Variants in PHF14 observed in about 807,000 individuals in gnomAD.
PHF14 encodes the protein PHD finger protein 14.
A neutral mutation model predicts 117.9 loss-of-function variants in PHF14; 55 were observed. The observed-to-expected ratio is 0.47, with a 90% confidence interval of 0.38 to 0.58. PHF14 has a LOEUF of 0.58. PHF14 is among the 20% of genes least tolerant of loss of function. The pLI, the probability that PHF14 is intolerant of heterozygous loss-of-function variation, is 0.00. For missense variants in PHF14, 978 were observed against 1,122.2 expected, an observed-to-expected ratio of 0.87 and a Z score of 1.84; for synonymous variants, 409 against 368.6, an observed-to-expected ratio of 1.11 and a Z score of -1.26.
Position 11,040,783 on chromosome 7 carries a change from A to T in PHF14, c.2180+8A>T. On this transcript the variant is annotated splice_region_variant and intron_variant, in intron 12 of 17. Coordinates refer to ENST00000634607, the MANE Select transcript of PHF14 (RefSeq NM_001007157.2). ...TCCTGCAGTACTTTATAGGCAAGTA[A>T]TGAAATTAATAATGATAGAATAATG... 2 of 1,307,312 alleles carry T rather than the reference A, an allele frequency of 1.5e-6. No homozygotes were observed. The highest frequency in any genetic ancestry group is 2.8e-5 in the South Asian group (2 of 72,164). The allele number at this position is 1,307,312 out of a possible 1,614,324, so 81.0% of individuals were successfully genotyped here. A position where few individuals can be genotyped will look rare whatever the true frequency, so the allele number is the denominator to read the frequency against.
intron 2 of PHF14, among the ~76,000 whole-genome samples, chr7:10,979,422 GA>G (rs1041731028): frequency 6.7e-6 from 1 of 149,418 alleles, no homozygotes; most frequent in Admixed American, 6.7e-5. Flanking sequence ...AACCAAATGG[GA>G]AGTAGGATTT....
intron 16 of PHF14, among the ~76,000 whole-genome samples, chr7:11,095,514 A>G (rs2128339805): frequency 6.6e-6 from 1 of 152,278 alleles, no homozygotes; most frequent in South Asian, 2.1e-4. Flanking sequence ...AGTCAAGGGC[A>G]TTTCGTTTAA....
At chr7:11,153,948 C>CGTGTGTGT (rs10593375) in intron 17 of PHF14, among the ~76,000 whole-genome samples, 3 of 149,276 alleles carry the variant, frequency 2.0e-5, no homozygotes, top group African/African-American at 4.9e-5. Flanking sequence ...TCTGTGTGTG[C>CGTGTGTGT]GTGTGTGTGT....
chr7:11,061,771 T>TC lies in PHF14; in HGVS notation c.2482-20_2482-19insC. 1 of 1,493,402 alleles carries TC rather than the reference T, an allele frequency of 6.7e-7. No individual in the cohort carries two copies. The highest frequency in any genetic ancestry group is 8.9e-7 in the Non-Finnish European group (1 of 1,126,380). 92.5% of individuals were successfully genotyped at this position (1,493,402 alleles called of 1,614,324 possible). ...TACTGTGGATTTTTGTTTTTTGTTT[T>TC]TTTTTTTGTTTTTTTCCAGAGAACC... On this transcript the variant is annotated intron_variant, in intron 14 of 17. Coordinates refer to ENST00000634607, the MANE Select transcript of PHF14 (RefSeq NM_001007157.2).
At chr7:11,000,878 TA>T (rs1454439043) in intron 4 of PHF14, among the ~76,000 whole-genome samples, 3 of 152,154 alleles carry the variant, frequency 2.0e-5, no homozygotes, top group Non-Finnish European at 4.4e-5. Flanking sequence ...GAGTCCAACT[TA>T]TAAATTATTT....
chr7:11,024,231 G>C (rs1783833181), intron 6 of PHF14, among the ~76,000 whole-genome samples: 1 of 152,176 alleles, frequency 6.6e-6, no homozygotes, highest in Non-Finnish European at 1.5e-5. Context: ...AGGTGAGGAA[G>C]CTGCAGAAGA....
At chr7:11,020,506 G>A (rs757940218) in intron 5 of PHF14, among the ~76,000 whole-genome samples, 3 of 151,986 alleles carry the variant, frequency 2.0e-5, no homozygotes, top group Non-Finnish European at 2.9e-5. Flanking sequence ...AGCCTCCCAA[G>A]TAGCTGGGAC....
chr7:11,023,008 G>A (rs1783785979), intron 6 of PHF14, 29 bp downstream of exon 6: 1 of 1,267,126 alleles, frequency 7.9e-7, no homozygotes, highest in African/African-American at 1.5e-5. Context: ...TTGATTGCTT[G>A]AAAGAGAAAG....
At chr7:11,105,565 T>A (rs1236493430) in intron 16 of PHF14, 5 of 982,936 alleles carry the variant, frequency 5.1e-6, no homozygotes, top group Non-Finnish European at 6.0e-6. Context: ...GAAACTTGTT[T>A]AAGAGACTCA....
At chr7:11,016,796 C>T (rs368264098) in intron 5 of PHF14, among the ~76,000 whole-genome samples, 5 of 152,138 alleles carry the variant, frequency 3.3e-5, no homozygotes, top group East Asian at 3.9e-4. Flanking sequence ...TTTTTCTTGA[C>T]TGTAGTCACC....
At chr7:11,084,489 T>C (rs1583450272) in intron 16 of PHF14, among the ~76,000 whole-genome samples, 4 of 126,624 alleles carry the variant, frequency 3.2e-5, no homozygotes, top group East Asian at 7.1e-4. Flanking sequence ...TAGGGTTTAC[T>C]CTTGTGTTTT....
chr7:11,026,108 TCAAAA>T (rs1235671500), intron 6 of PHF14, among the ~76,000 whole-genome samples: 2 of 126,064 alleles, frequency 1.6e-5, no homozygotes, highest in Non-Finnish European at 3.2e-5. Context: ...TGAGACTCCA[TCAAAA>T]AAAAAAAAAA....
At position 11,061,950 on chromosome 7, in the gene PHF14, C is replaced by A. The variant is rs1247094290; in HGVS notation, c.2533-14C>A. ...TGTTTGTTATGTTTTATTTTATTAT[C>A]CCTTGTATGGCAGGAAAGAGTTCCT... On this transcript the variant is annotated splice_polypyrimidine_tract_variant and intron_variant, in intron 15 of 17. Coordinates refer to ENST00000634607, the MANE Select transcript of PHF14 (RefSeq NM_001007157.2). The A allele has an allele frequency of 6.4e-7, 1 of 1,573,022 alleles. No individual in the cohort carries two copies. The highest frequency in any genetic ancestry group is 8.6e-7 in the Non-Finnish European group (1 of 1,159,004).
At chr7:10,988,652 TG>T (rs1363335921) in intron 3 of PHF14, among the ~76,000 whole-genome samples, 4 of 152,026 alleles carry the variant, frequency 2.6e-5, no homozygotes, top group Non-Finnish European at 5.9e-5. Flanking sequence ...ACTTTTCTTT[TG>T]GGGGTACAAG....
chr7:11,035,678 T>C lies in PHF14; in HGVS notation c.1494T>C (p.His498=). The C allele has an allele frequency of 1.2e-6, 2 of 1,609,428 alleles. No homozygotes were observed. Among genetic ancestry groups the C allele is most frequent in the Non-Finnish European group, 1.7e-6 (2 of 1,176,090 alleles). Residue 498 remains histidine, a synonymous_variant, in exon 8 of 18, where the codon CAT becomes CAC. Coordinates refer to ENST00000634607, the MANE Select transcript of PHF14 (RefSeq NM_001007157.2). The part of the protein sequence containing the change: ...ADPFFAYCKQ[H]ADRLDRKWKR... ...CATTCTTTGCTTATTGTAAGCAACA[T>C]GCAGATAGGTTAGACAGAAAGTGGA...
intron 7 of PHF14, among the ~76,000 whole-genome samples, chr7:11,031,797 C>T (rs918034193): frequency 6.6e-6 from 1 of 152,032 alleles, no homozygotes. Context: ...AGCTATTGTG[C>T]AGGCTCAGTT....
At chr7:11,140,586 GATTTATAA>G (rs1352323289) in intron 17 of PHF14, among the ~76,000 whole-genome samples, 2 of 152,000 alleles carry the variant, frequency 1.3e-5, no homozygotes, top group Non-Finnish European at 1.5e-5. Context: ...ATGAGCTATG[GATTTATAA>G]ATTTCTTGTT....
At chr7:11,066,826 A>C (rs1785439284) in intron 16 of PHF14, among the ~76,000 whole-genome samples, 2 of 152,204 alleles carry the variant, frequency 1.3e-5, no homozygotes, top group Admixed American at 1.3e-4. Flanking sequence ...CAGGCTGTGG[A>C]GTAAGCTGTT....
chr7:11,121,083 C>T (rs1270442440), intron 17 of PHF14, among the ~76,000 whole-genome samples: 1 of 152,088 alleles, frequency 6.6e-6, no homozygotes, highest in Admixed American at 6.6e-5. Context: ...TATAAGTCCA[C>T]TTTGTCAAGG....
Sources: gnomAD v4.1 joint callset for allele counts (sites outside exome capture counted in the v4.1 genomes callset) on GRCh38, gnomAD v4.1.1 for gene constraint, MANE v1.5 for transcripts, NCBI Gene and HGNC (gene_info 2026-07-23, HGNC 2026-07-21) for gene names.